Variants in NFATC3 observed in about 807,000 individuals in gnomAD.
NFATC3 encodes nuclear factor of activated T-cells, cytoplasmic 3.
In NFATC3, 46 loss-of-function variants were observed where a neutral mutation model predicts 98.6. The ratio of observed to expected loss-of-function variants is 0.47; its 90% CI spans 0.37 to 0.60. The LOEUF (loss-of-function observed/expected upper bound fraction) is 0.60. Ranked by LOEUF, NFATC3 falls within the 20% of genes least tolerant of loss-of-function variation. The pLI is 0.00. For synonymous variants in NFATC3, 512 were observed against 472.2 expected, an observed-to-expected ratio of 1.08 and a Z score of -1.09; for missense variants, 1,256 against 1,295.5, an observed-to-expected ratio of 0.97 and a Z score of 0.47.
intron 5 of NFATC3, among the ~76,000 whole-genome samples, chr16:68,170,061 AT>A (rs1395737120): frequency 1.3e-5 from 2 of 152,094 alleles, no homozygotes; most frequent in Non-Finnish European, 2.9e-5. Flanking sequence ...TAAATAAAAA[AT>A]AAAAATAAAA....
chr16:68,166,921 G>C lies in NFATC3; in HGVS notation c.1680G>C (p.Lys560Asn), dbSNP rs1329800247. Residue 560 changes from lysine (K) to asparagine (N), a missense_variant, in exon 5 of 10, where the codon AAG becomes AAC. This residue lies in a region of NFATC3 where 636 missense variants were observed against 617.3 expected (regional missense o/e 1.03). Transcript: ENST00000346183. ...AAGGAGAAACTGATATTGGCAGAAA[G>C]AATACTAGAGTACGACTTGTGTTTC... ...LRKGETDIGR[K>N]NTRVRLVFRV... is the part of the protein sequence containing the mutation. The C allele has an allele frequency of 2.5e-6, 4 of 1,614,128 alleles. No individual in the cohort carries two copies. The East Asian group carries it at 8.9e-5, about 36-fold the overall frequency.
At chr16:68,165,223 A>G (rs1386565679) in intron 4 of NFATC3, among the ~76,000 whole-genome samples, 1 of 152,106 alleles carries the variant, frequency 6.6e-6, no homozygotes, top group Non-Finnish European at 1.5e-5. Context: ...AGTATCAGTT[A>G]TATAATTTGT....
chr16:68,184,072 A>G (rs1481762863), intron 8 of NFATC3, among the ~76,000 whole-genome samples: 1 of 152,066 alleles, frequency 6.6e-6, no homozygotes, highest in Non-Finnish European at 1.5e-5. Context: ...TTGTGTTTCA[A>G]AATCATTTTC....
chr16:68,209,777 T>C, intron 9 of NFATC3: 1 of 443,650 alleles, frequency 2.3e-6, no homozygotes, highest in African/African-American at 2.1e-5. Flanking sequence ...TGTGTAGTAG[T>C]TGAAGTACTT....
chr16:68,195,417 C>A (rs1249475530), intron 9 of NFATC3, among the ~76,000 whole-genome samples: 3 of 152,030 alleles, frequency 2.0e-5, no homozygotes, highest in Non-Finnish European at 4.4e-5. Context: ...CACCTGTAGT[C>A]CTGGCCACTT....
At chr16:68,214,348 G>A (rs767535490) in intron 9 of NFATC3, 3 of 1,614,012 alleles carry the variant, frequency 1.9e-6, no homozygotes, top group Non-Finnish European at 2.5e-6. Context: ...TATCTGACTT[G>A]GAACACCAGC....
At chr16:68,166,697 C>A in intron 4 of NFATC3, 146 bp from the exon 5 acceptor site, 1 of 615,902 alleles carries the variant, frequency 1.6e-6, no homozygotes, top group Non-Finnish European at 2.7e-6. Flanking sequence ...TTCAGTTTAG[C>A]AGTGAATAGC....
At chr16:68,199,359 G>T (rs1326210500) in intron 9 of NFATC3, among the ~76,000 whole-genome samples, 1 of 143,164 alleles carries the variant, frequency 7.0e-6, no homozygotes, top group Admixed American at 7.0e-5. Flanking sequence ...GAGTAGCTGG[G>T]ACTACAGGCG....
chr16:68,165,118 A>C (rs997105659), intron 4 of NFATC3, among the ~76,000 whole-genome samples: 1 of 152,036 alleles, frequency 6.6e-6, no homozygotes, highest in Non-Finnish European at 1.5e-5. Flanking sequence ...GATCTCTGCT[A>C]TTTCCCCTGA....
intron 6 of NFATC3, among the ~76,000 whole-genome samples, chr16:68,177,793 TCA>T: frequency 6.6e-6 from 1 of 152,152 alleles, no homozygotes; most frequent in Non-Finnish European, 1.5e-5. Flanking sequence ...CTTAAATCTG[TCA>T]TCCTCTTAAG....
Position 68,138,843 on chromosome 16 carries a change from T to A in NFATC3, c.1401+12233T>A, listed in dbSNP as rs1598428662. The A allele has an allele frequency of 2.6e-6, 3 of 1,169,334 alleles. No individual in the cohort carries two copies. The East Asian group carries it at 1.8e-4, about 69-fold the overall frequency. 72.4% of individuals were successfully genotyped at this position (1,169,334 alleles called of 1,614,324 possible). A position where few individuals can be genotyped will look rare whatever the true frequency, so the allele number is the denominator to read the frequency against. ...GCTCCACACAGGAATAAATCATGGCTAAGTCACTAATACGGGCTCTAGAGC... is the reference window on the plus strand; with the variant it reads ...GCTCCACACAGGAATAAATCATGGCAAAGTCACTAATACGGGCTCTAGAGC... On this transcript the variant is annotated intron_variant, in intron 3 of 9. Transcript: ENST00000346183.
intron 3 of NFATC3, among the ~76,000 whole-genome samples, chr16:68,140,949 A>G (rs1246930459): frequency 6.6e-6 from 1 of 151,990 alleles, no homozygotes; most frequent in African/African-American, 2.4e-5. Context: ...ACCCCCTCCT[A>G]TCCTACCCTC....
In NFATC3 at chr16:68,120,279, C is replaced by CAA. The variant is rs564432522; in HGVS notation, c.104-1693_104-1692dup. On this transcript the variant is annotated intron_variant, in intron 1 of 9. Transcript: ENST00000346183. Reference sequence around the variant, plus strand: ...TGGGTGACAGAGCGAGACCTAGTCTCAAAAAAAAAAAAAAAAGTCCGGGTG... The same window carrying CAA: ...TGGGTGACAGAGCGAGACCTAGTCTCAAAAAAAAAAAAAAAAAAGTCCGGGTG... Among the ~76,000 whole-genome samples, 55 of 90,270 alleles carry CAA rather than the reference C, an allele frequency of 6.1e-4. 1 individual carries two copies. Among genetic ancestry groups the CAA allele is most frequent in the East Asian group, 2.1e-3 (6 of 2,846 alleles). 59.2% of individuals were successfully genotyped at this position (90,270 alleles called of 152,430 possible).
rs1555511946 is a variant in NFATC3 at position 68,085,411 on chromosome 16, T to TTG, written c.-271_-270insTG. On this transcript the variant is annotated 5_prime_UTR_variant, in exon 1 of 10. Coordinates refer to ENST00000346183, the MANE Select transcript of NFATC3 (RefSeq NM_173165.3). ...CCCGCGGCGGCGGTGGCGGCGACTG[T>TTG]GGGGGGGCGGCGGGGAACATTGGCT... 8.1e-5 allele frequency: 10 copies of TTG among 123,254 alleles called. No individual in the cohort carries two copies. The highest frequency in any genetic ancestry group is 1.3e-4 in the Non-Finnish European group (9 of 68,664). The allele number at this position is 123,254 out of a possible 1,614,324, so 7.6% of individuals were successfully genotyped here.
At chr16:68,208,681 G>A (rs1400124987) in intron 9 of NFATC3, among the ~76,000 whole-genome samples, 1 of 151,750 alleles carries the variant, frequency 6.6e-6, no homozygotes, top group African/African-American at 2.4e-5. Context: ...AGTGAACCAA[G>A]ATTATGCCAC....
intron 8 of NFATC3, among the ~76,000 whole-genome samples, chr16:68,188,348 G>A (rs970650924): frequency 1.3e-5 from 2 of 152,112 alleles, no homozygotes; most frequent in African/African-American, 2.4e-5. Context: ...CTCTCCCCCC[G>A]CCAAGAGCGC....
At chr16:68,164,692 G>A (rs56138523) in intron 4 of NFATC3, among the ~76,000 whole-genome samples, 36,560 of 151,634 alleles carry the variant, frequency 0.24, 5,172 homozygotes, top group African/African-American at 0.38. Context: ...ATCCTGGCCA[G>A]CATGGTGAAA....
intron 1 of NFATC3, among the ~76,000 whole-genome samples, chr16:68,094,954 TC>T (rs34732802): frequency 6.6e-6 from 1 of 152,154 alleles, no homozygotes; most frequent in East Asian, 1.9e-4. Context: ...TGGGTTACAT[TC>T]CCTTTCCTAA....
chr16:68,085,880 A>T, intron 1 of NFATC3, 96 bp downstream of exon 1: 1 of 980,394 alleles, frequency 1.0e-6, no homozygotes, highest in Non-Finnish European at 1.4e-6. Context: ...CCGGAGACCG[A>T]TAACCCTGTG....
Sources: gnomAD v4.1 joint callset for allele counts (sites outside exome capture counted in the v4.1 genomes callset) on GRCh38, gnomAD v4.1.1 for gene constraint, gnomAD v4.1.1 regional missense constraint, MANE v1.5 for transcripts, NCBI Gene and HGNC (gene_info 2026-07-23, HGNC 2026-07-21) for gene names.